The following FMN2 variants were observed in gnomAD, a reference collection of about 807,000 sequenced individuals.
The protein encoded by FMN2 is formin 2.
Under a neutral mutation model 142.3 loss-of-function variants are expected in FMN2, and 51 were observed. The ratio of observed to expected loss-of-function variants is 0.36; its 90% CI spans 0.29 to 0.45. FMN2 has a LOEUF of 0.45. Ranked by LOEUF, FMN2 falls within the 20% of genes least tolerant of loss-of-function variation. The pLI, the probability that FMN2 is intolerant of heterozygous loss-of-function variation, is 1.00. For synonymous variants in FMN2, 882 were observed against 869.8 expected, an observed-to-expected ratio of 1.01 and a Z score of -0.25; for missense variants, 1,936 against 2,122.8, an observed-to-expected ratio of 0.91 and a Z score of 1.73.
At chr1:240,273,683 A>C (rs1669097502) in intron 7 of FMN2, among the ~76,000 whole-genome samples, 1 of 122,430 alleles carries the variant, frequency 8.2e-6, no homozygotes, top group Non-Finnish European at 1.7e-5. Context: ...ACACACACAC[A>C]GGGAGGAAAA....
At chr1:240,332,235 C>T (rs1558438017) in intron 11 of FMN2, among the ~76,000 whole-genome samples, 1 of 149,800 alleles carries the variant, frequency 6.7e-6, no homozygotes, top group African/African-American at 2.5e-5. Context: ...GAAGTATCTA[C>T]TATAGAGAGC....
chr1:240,325,918 GTATTAATGAATCAACAGAATA>G (rs1671156818), intron 8 of FMN2, among the ~76,000 whole-genome samples: 1 of 152,156 alleles, frequency 6.6e-6, no homozygotes, highest in South Asian at 2.1e-4. Context: ...CTGGCCTTGA[GTATTAATGAATCAACAGAATA>G]TATTAAATGT....
At chr1:240,203,810 A>G (rs1256257983) in intron 4 of FMN2, among the ~76,000 whole-genome samples, 2 of 152,204 alleles carry the variant, frequency 1.3e-5, no homozygotes, top group Non-Finnish European at 1.5e-5. Context: ...CCCAGGACTT[A>G]AAATAAAATT....
chr1:240,348,515 G>T (rs1027694892), intron 13 of FMN2, among the ~76,000 whole-genome samples: 2 of 137,136 alleles, frequency 1.5e-5, no homozygotes, highest in African/African-American at 5.6e-5. Context: ...GAGCCACCGC[G>T]CCCAGCCTAT....
chr1:240,207,630 G>T lies in FMN2; in HGVS notation c.2818G>T (p.Ala940Ser). Reference protein sequence around the residue: ...GILPLPPLPGAGIPPPPPLPG... With the variant: ...GILPLPPLPGSGIPPPPPLPG... ...ACTCCCTCTGCCCCCTCTACCCGGAGCGGGAATACCTCCTCCGCCCCCTCT... is the reference window on the plus strand; with the variant it reads ...ACTCCCTCTGCCCCCTCTACCCGGATCGGGAATACCTCCTCCGCCCCCTCT... The change falls in exon 5 of 18, where the codon GCG (alanine) becomes TCG (serine). Residue 940 changes from alanine to serine, a missense_variant. Coordinates refer to ENST00000319653, the MANE Select transcript of FMN2 (RefSeq NM_020066.5). 8.6e-7 allele frequency: 1 copy of T among 1,158,104 alleles called. No homozygotes were observed. Among genetic ancestry groups the T allele is most frequent in the South Asian group, 1.7e-5 (1 of 58,532 alleles). The allele number at this position is 1,158,104 out of a possible 1,614,324, so 71.7% of individuals were successfully genotyped here.
intron 13 of FMN2, among the ~76,000 whole-genome samples, chr1:240,339,771 T>G (rs1309387820): frequency 6.6e-6 from 1 of 152,096 alleles, no homozygotes; most frequent in Admixed American, 6.5e-5. Flanking sequence ...GGGATTATGA[T>G]GCACATAATT....
chr1:240,466,927 G>A (rs1676639726), intron 16 of FMN2, among the ~76,000 whole-genome samples: 1 of 152,104 alleles, frequency 6.6e-6, no homozygotes, highest in East Asian at 1.9e-4. Context: ...AACTCCATTC[G>A]TTTTGTTAGA....
chr1:240,220,585 G>A (rs1209392935), intron 6 of FMN2, among the ~76,000 whole-genome samples: 1 of 152,056 alleles, frequency 6.6e-6, no homozygotes, highest in Non-Finnish European at 1.5e-5. Flanking sequence ...AGAGCAAGAT[G>A]TGGTGTCCCC....
At chr1:240,461,906 A>G (rs1335582312) in intron 16 of FMN2, among the ~76,000 whole-genome samples, 1 of 152,194 alleles carries the variant, frequency 6.6e-6, no homozygotes, top group African/African-American at 2.4e-5. Flanking sequence ...CATTTTCTTC[A>G]AATAAAAAAT....
intron 16 of FMN2, among the ~76,000 whole-genome samples, chr1:240,464,013 T>A (rs1002957501): frequency 2.0e-5 from 3 of 151,272 alleles, no homozygotes; most frequent in South Asian, 2.1e-4. Context: ...AAAAAAAAAA[T>A]TAAAAATTAG....
intron 14 of FMN2, among the ~76,000 whole-genome samples, chr1:240,373,006 G>GAAACCTCACCTCTACT (rs1553370575): frequency 6.6e-6 from 1 of 152,162 alleles, no homozygotes; most frequent in Non-Finnish European, 1.5e-5. Flanking sequence ...CCAACACGGT[G>GAAACCTCACCTCTACT]AAACCTCACC....
chr1:240,265,649 C>T (rs1342191541), intron 7 of FMN2, among the ~76,000 whole-genome samples: 3 of 152,114 alleles, frequency 2.0e-5, no homozygotes, highest in Non-Finnish European at 4.4e-5. Flanking sequence ...TATGGCAGCC[C>T]AAGCTGTCCA....
At chr1:240,184,859 G>A (rs1324016447) in intron 3 of FMN2, among the ~76,000 whole-genome samples, 2 of 151,900 alleles carry the variant, frequency 1.3e-5, no homozygotes, top group Non-Finnish European at 2.9e-5. Context: ...CCACTCTTCA[G>A]CCATTACTGG....
At chr1:240,185,002 C>T (rs1665354645) in intron 3 of FMN2, among the ~76,000 whole-genome samples, 1 of 147,718 alleles carries the variant, frequency 6.8e-6, no homozygotes. Context: ...CCTCCTATAC[C>T]TTCCCCTTCT....
chr1:240,350,518 A>G (rs181123549), intron 13 of FMN2, among the ~76,000 whole-genome samples: 178 of 152,378 alleles, frequency 1.2e-3, no homozygotes, highest in African/African-American at 4.2e-3. Flanking sequence ...ACAAACAAAT[A>G]CATTCAATGA....
intron 13 of FMN2, among the ~76,000 whole-genome samples, chr1:240,338,988 G>A (rs746045588): frequency 3.9e-5 from 6 of 152,158 alleles, no homozygotes; most frequent in Admixed American, 1.3e-4. Flanking sequence ...CTGCACATGC[G>A]CAGTTCACGG....
intron 8 of FMN2, among the ~76,000 whole-genome samples, chr1:240,313,992 A>G (rs1165869131): frequency 1.3e-5 from 2 of 152,126 alleles, no homozygotes; most frequent in Admixed American, 6.5e-5. Flanking sequence ...AAAATAGTGT[A>G]TGTTAACATC....
intron 2 of FMN2, among the ~76,000 whole-genome samples, chr1:240,137,228 C>A (rs988883739): frequency 6.6e-6 from 1 of 151,514 alleles, no homozygotes; most frequent in African/African-American, 2.4e-5. Flanking sequence ...CTTTGGAAAT[C>A]TGAAAGAAGA....
At chr1:240,121,126 G>A (rs896688354) in intron 1 of FMN2, among the ~76,000 whole-genome samples, 75 of 151,868 alleles carry the variant, frequency 4.9e-4, no homozygotes, top group African/African-American at 1.6e-3. Context: ...GCGCCACTGC[G>A]CGGGTGACAG....
Sources: allele counts gnomAD v4.1 joint callset (sites outside exome capture counted in the v4.1 genomes callset), GRCh38; gene constraint gnomAD v4.1.1; transcripts MANE v1.5; gene names NCBI Gene and HGNC (gene_info 2026-07-23, HGNC 2026-07-21).